The following ATP13A4 variants were observed in gnomAD, a reference collection of about 807,000 sequenced individuals.
ATP13A4 encodes probable cation-transporting ATPase 13A4.
A neutral mutation model predicts 142.5 loss-of-function variants in ATP13A4; 114 were observed. That is an observed-to-expected ratio of 0.80 (90% confidence interval 0.69 to 0.93). The LOEUF (loss-of-function observed/expected upper bound fraction) is 0.93, where lower values mean the gene tolerates loss of function less well. ATP13A4 is among the 40% of genes least tolerant of loss of function. The probability of loss-of-function intolerance (pLI) is 0.00; values close to 1 mark genes in which losing one functional copy is unlikely to be tolerated. For missense variants in ATP13A4, 1,392 were observed against 1,454.0 expected, an observed-to-expected ratio of 0.96 and a Z score of 0.69; for synonymous variants, 488 against 514.8, an observed-to-expected ratio of 0.95 and a Z score of 0.70.
chr3:193,429,786 T>A (rs534999126), intron 25 of ATP13A4, among the ~76,000 whole-genome samples: 78 of 152,016 alleles, frequency 5.1e-4, no homozygotes, highest in Non-Finnish European at 9.1e-4. Context: ...GTTATATAAT[T>A]TTACCACAAG....
intron 28 of ATP13A4, among the ~76,000 whole-genome samples, chr3:193,408,388 G>C (rs1714607799): frequency 6.6e-6 from 1 of 152,128 alleles, no homozygotes; most frequent in Non-Finnish European, 1.5e-5. Context: ...GTATACATAT[G>C]ACATATACAT....
intron 9 of ATP13A4, among the ~76,000 whole-genome samples, chr3:193,470,531 C>A (rs969549304): frequency 6.6e-6 from 1 of 152,150 alleles, no homozygotes; most frequent in Non-Finnish European, 1.5e-5. Context: ...ATAAAAGTCA[C>A]AGACAATTCT....
At chr3:193,408,451 G>A (rs1714609905) in intron 28 of ATP13A4, among the ~76,000 whole-genome samples, 1 of 152,170 alleles carries the variant, frequency 6.6e-6, no homozygotes. Context: ...TGAGGAAAAT[G>A]TATGTACTGA....
intron 11 of ATP13A4, 66 bp from the exon 12 acceptor site, chr3:193,465,194 C>CTTT: frequency 7.7e-7 from 1 of 1,296,014 alleles, no homozygotes; most frequent in Non-Finnish European, 1.0e-6. Flanking sequence ...GACTCTTTGC[C>CTTT]TTTTTTTTTT....
At chr3:193,478,930 G>A (rs1206380278) in intron 8 of ATP13A4, among the ~76,000 whole-genome samples, 2 of 152,138 alleles carry the variant, frequency 1.3e-5, no homozygotes, top group African/African-American at 4.8e-5. Context: ...ATGATCAAGT[G>A]GGTTTCATAC....
At chr3:193,496,554 A>G (rs1560232700) in intron 3 of ATP13A4, among the ~76,000 whole-genome samples, 1 of 152,070 alleles carries the variant, frequency 6.6e-6, no homozygotes, top group Non-Finnish European at 1.5e-5. Context: ...ACTTTGGGAC[A>G]CTGAGACAGA....
At chr3:193,561,585 G>A (rs1448475952) in intron 2 of ATP13A4, among the ~76,000 whole-genome samples, 1 of 152,112 alleles carries the variant, frequency 6.6e-6, no homozygotes, top group East Asian at 1.9e-4. Flanking sequence ...AAGCAAACTG[G>A]TAATGGGAAA....
At chr3:193,529,640 A>G (rs1335331590) in intron 1 of ATP13A4, among the ~76,000 whole-genome samples, 1 of 152,166 alleles carries the variant, frequency 6.6e-6, no homozygotes, top group Non-Finnish European at 1.5e-5. Context: ...AAAACAAGAG[A>G]CAAGTGACCT....
intron 17 of ATP13A4, among the ~76,000 whole-genome samples, chr3:193,453,331 G>T (rs890511377): frequency 6.6e-6 from 1 of 152,020 alleles, no homozygotes; most frequent in Admixed American, 6.6e-5. Context: ...AAACAAATAG[G>T]TTAGACTTCC....
intron 9 of ATP13A4, among the ~76,000 whole-genome samples, chr3:193,470,483 G>A (rs1233625509): frequency 2.0e-5 from 3 of 152,080 alleles, no homozygotes; most frequent in Non-Finnish European, 4.4e-5. Flanking sequence ...AACCCTCCAA[G>A]TTTATTTAAA....
At chr3:193,438,424 G>C in intron 23 of ATP13A4, 51 bp downstream of exon 23, 1 of 1,411,376 alleles carries the variant, frequency 7.1e-7, no homozygotes, top group Non-Finnish European at 1.0e-6. Flanking sequence ...AATGTGATTT[G>C]CACCAGAAGT....
At chr3:193,416,507 G>A (rs1476779523) in intron 25 of ATP13A4, among the ~76,000 whole-genome samples, 2 of 152,048 alleles carry the variant, frequency 1.3e-5, no homozygotes, top group African/African-American at 4.8e-5. Context: ...ATAAAAAGGA[G>A]TCAAAAGAAA....
At position 193,403,917 on chromosome 3, in the gene ATP13A4, C is replaced by G. The variant is rs912590414; in HGVS notation, c.3379-1053G>C. The G allele has an allele frequency of 3.0e-6, 3 of 985,202 alleles. No individual in the cohort carries two copies. In the African/African-American group the frequency reaches 5.2e-5, roughly 17 times the overall value. 61.0% of individuals were successfully genotyped at this position (985,202 alleles called of 1,614,324 possible). A position where few individuals can be genotyped will look rare whatever the true frequency, so the allele number is the denominator to read the frequency against. The stretch of plus-strand genomic sequence containing the variant: ...CTGTGAGATTCTATAAGGAACTTTG[C>G]CAGATATAGTAGTTTTCCTAAAATC... On this transcript the variant is annotated intron_variant, in intron 29 of 29. Transcript: ENST00000342695.
intron 1 of ATP13A4, among the ~76,000 whole-genome samples, chr3:193,584,570 T>C (rs1724632553): frequency 6.6e-6 from 1 of 152,080 alleles, no homozygotes; most frequent in Non-Finnish European, 1.5e-5. Flanking sequence ...CTCATCTCTA[T>C]ACTAATGAGG....
chr3:193,530,418 C>T (rs577468191), intron 1 of ATP13A4, among the ~76,000 whole-genome samples: 1 of 152,250 alleles, frequency 6.6e-6, no homozygotes, highest in South Asian at 2.1e-4. Context: ...CCATCATCAC[C>T]ACAATTACAC....
At position 193,440,566 on chromosome 3, in the gene ATP13A4, C is replaced by G; in HGVS notation, c.2511G>C (p.Gln837His). ...ACTGGCAAAGAACCTACTCCAGTTT[C>G]TGAAATTCTTCCACCAGACTGGACT... ...GQKSSLVEEFQKLDYFVGMCG... is the reference protein window; with the variant it reads ...GQKSSLVEEFHKLDYFVGMCG... Residue 837 changes from glutamine (Q) to histidine (H), a missense_variant, in exon 21 of 30, where the codon CAG becomes CAC. By Grantham distance (24) the Gln-to-His change is conservative. Transcript: ENST00000342695. 2 of 1,613,994 alleles carry G rather than the reference C, an allele frequency of 1.2e-6. No homozygotes were observed. Among genetic ancestry groups the G allele is most frequent in the Non-Finnish European group, 1.7e-6 (2 of 1,179,852 alleles).
chr3:193,453,856 A>G (rs942170247), intron 17 of ATP13A4, among the ~76,000 whole-genome samples: 1 of 152,138 alleles, frequency 6.6e-6, no homozygotes, highest in African/African-American at 2.4e-5. Flanking sequence ...ATCTTATATG[A>G]CTATTTCTCA....
intron 27 of ATP13A4, 65 bp from the exon 28 acceptor site, chr3:193,411,135 A>G (rs1176079826): frequency 9.6e-7 from 1 of 1,047,032 alleles, no homozygotes; most frequent in Non-Finnish European, 1.5e-6. Flanking sequence ...ACATATATTG[A>G]CGGATGTATT....
chr3:193,494,416 A>G (rs756294214), intron 3 of ATP13A4, among the ~76,000 whole-genome samples: 1 of 152,056 alleles, frequency 6.6e-6, no homozygotes, highest in Non-Finnish European at 1.5e-5. Flanking sequence ...AATCATATCA[A>G]GTATTTTTTT....
Sources: gnomAD v4.1 joint callset for allele counts (sites outside exome capture counted in the v4.1 genomes callset) on GRCh38, gnomAD v4.1.1 for gene constraint, MANE v1.5 for transcripts, NCBI Gene and HGNC (gene_info 2026-07-23, HGNC 2026-07-21) for gene names.